The following MRPL13 variants were observed in gnomAD, a reference collection of about 807,000 sequenced individuals.
The protein encoded by MRPL13 is large ribosomal subunit protein uL13m.
MRPL13 carries 33 observed loss-of-function variants against 29.0 expected under a neutral mutation model. The ratio of observed to expected loss-of-function variants is 1.14; its 90% CI spans 0.86 to 1.52. The LOEUF is 1.52. Ranked by LOEUF, MRPL13 falls within the 40% of genes most tolerant of loss-of-function variation. The pLI is 0.00. For missense variants in MRPL13, 227 were observed against 216.7 expected, an observed-to-expected ratio of 1.05 and a Z score of -0.30; for synonymous variants, 77 against 68.4, an observed-to-expected ratio of 1.13 and a Z score of -0.62.
chr8:120,440,132 A>G (rs1813101285), intron 2 of MRPL13, among the ~76,000 whole-genome samples: 1 of 152,232 alleles, frequency 6.6e-6, no homozygotes, highest in Admixed American at 6.5e-5. Context: ...ATAACATTTC[A>G]GGTGATACAT....
At chr8:120,432,902 T>C (rs183181399) in intron 2 of MRPL13, among the ~76,000 whole-genome samples, 1 of 152,102 alleles carries the variant, frequency 6.6e-6, no homozygotes, top group Non-Finnish European at 1.5e-5. Flanking sequence ...ATTTTACTAA[T>C]AGAAAAAACA....
At chr8:120,398,251 G>A (rs1318837749) in intron 6 of MRPL13, among the ~76,000 whole-genome samples, 1 of 152,130 alleles carries the variant, frequency 6.6e-6, no homozygotes, top group African/African-American at 2.4e-5. Context: ...CTGGCAACAG[G>A]TCAGTACCCC....
At chr8:120,408,546 T>C (rs1301038073) in intron 6 of MRPL13, among the ~76,000 whole-genome samples, 3 of 152,168 alleles carry the variant, frequency 2.0e-5, no homozygotes, top group African/African-American at 7.2e-5. Context: ...GAAAGTAACC[T>C]TAGTCCACAA....
chr8:120,439,105 A>G (rs1813087173), intron 2 of MRPL13, among the ~76,000 whole-genome samples: 1 of 152,242 alleles, frequency 6.6e-6, no homozygotes, highest in Non-Finnish European at 1.5e-5. Flanking sequence ...ATTCATGGAC[A>G]TGCTCAGAGT....
At chr8:120,432,156 A>G in intron 2 of MRPL13, 33 bp from the exon 3 acceptor site, 1 of 1,513,360 alleles carries the variant, frequency 6.6e-7, no homozygotes, top group Non-Finnish European at 8.9e-7. Context: ...ATTTTGTAAG[A>G]AAAATAAAAA....
At chr8:120,443,000 T>A (rs190396253) in intron 2 of MRPL13, among the ~76,000 whole-genome samples, 185 bp downstream of exon 2, 10 of 152,156 alleles carry the variant, frequency 6.6e-5, no homozygotes, top group Non-Finnish European at 8.8e-5. Context: ...AACTGATCCA[T>A]ACGGTTTTCC....
At chr8:120,407,648 TAAA>T in intron 6 of MRPL13, among the ~76,000 whole-genome samples, 1 of 146,126 alleles carries the variant, frequency 6.8e-6, no homozygotes, top group African/African-American at 2.6e-5. Flanking sequence ...AAACTCCATC[TAAA>T]ACAAAACAAA....
chr8:120,428,310 G>C lies in MRPL13; in HGVS notation c.246-2944C>G, dbSNP rs577166693. On this transcript the variant is annotated intron_variant, in intron 3 of 6. Coordinates refer to ENST00000306185, the MANE Select transcript of MRPL13 (RefSeq NM_014078.6). ...AGCCATATGCAGAAGATTGAAACTG[G>C]ACCCCTTCCTTATACCACATACAAA... 3.4e-3 allele frequency among the ~76,000 whole-genome samples: 510 copies of C among 152,146 alleles called. 1 individual carries two copies. Among genetic ancestry groups the C allele is most frequent in the Non-Finnish European group, 6.3e-3 (431 of 67,982 alleles).
At chr8:120,425,181 A>G in intron 4 of MRPL13, 125 bp downstream of exon 4, 1 of 647,538 alleles carries the variant, frequency 1.5e-6, no homozygotes, top group Non-Finnish European at 2.6e-6. Context: ...TGTGTGATAC[A>G]GCTAAAGTGA....
chr8:120,427,933 T>A (rs766502312), intron 3 of MRPL13, among the ~76,000 whole-genome samples: 14 of 152,014 alleles, frequency 9.2e-5, no homozygotes, highest in Non-Finnish European at 1.8e-4. Context: ...ATAGATTCAA[T>A]GCTATTCCTA....
chr8:120,426,271 A>G (rs1436090964), intron 3 of MRPL13, among the ~76,000 whole-genome samples: 1 of 152,132 alleles, frequency 6.6e-6, no homozygotes, highest in Non-Finnish European at 1.5e-5. Context: ...AAAAAACCTT[A>G]AGATTACCTA....
intron 2 of MRPL13, among the ~76,000 whole-genome samples, chr8:120,435,672 G>A (rs1169511461): frequency 6.6e-6 from 1 of 151,934 alleles, no homozygotes; most frequent in Non-Finnish European, 1.5e-5. Context: ...GAACATATCT[G>A]CATGCTTTAA....
intron 4 of MRPL13, among the ~76,000 whole-genome samples, chr8:120,421,477 TA>T (rs1365480968): frequency 1.3e-5 from 2 of 151,928 alleles, no homozygotes; most frequent in Non-Finnish European, 2.9e-5. Context: ...AATTCTCCGA[TA>T]GGCCACACAC....
chr8:120,426,597 G>A (rs1563775345), intron 3 of MRPL13, among the ~76,000 whole-genome samples: 1 of 152,110 alleles, frequency 6.6e-6, no homozygotes, highest in Non-Finnish European at 1.5e-5. Flanking sequence ...ATATATTTCA[G>A]AAGTCTGGAC....
intron 6 of MRPL13, among the ~76,000 whole-genome samples, chr8:120,411,863 T>C (rs1812744512): frequency 6.6e-6 from 1 of 152,176 alleles, no homozygotes; most frequent in African/African-American, 2.4e-5. Flanking sequence ...CCTTTCTAAT[T>C]CTATTAATAA....
chr8:120,437,180 T>C (rs2130484467), intron 2 of MRPL13, among the ~76,000 whole-genome samples: 1 of 152,292 alleles, frequency 6.6e-6, no homozygotes, highest in South Asian at 2.1e-4. Context: ...TGCTGTGATA[T>C]TAACATTTGA....
intron 6 of MRPL13, among the ~76,000 whole-genome samples, chr8:120,402,040 AG>A (rs1812603596): frequency 6.6e-6 from 1 of 152,228 alleles, no homozygotes; most frequent in East Asian, 1.9e-4. Flanking sequence ...GCTCATGGAT[AG>A]GAAGAATCAG....
rs1563772881 is a variant in MRPL13, at chr8:120,414,291, T to C, written c.394-179A>G. ...CCCCAAAAGTACATTAGGTTAATAA[T>C]ACAAGTAATCCCATTATAATAAGAT... On this transcript the variant is annotated intron_variant, in intron 5 of 6. Transcript: ENST00000306185. 2.1e-5 allele frequency: 9 copies of C among 438,502 alleles called. No individual in the cohort carries two copies. In the East Asian group the frequency reaches 3.3e-4, roughly 16 times the overall value. The allele number at this position is 438,502 out of a possible 1,614,324, so 27.2% of individuals were successfully genotyped here. A position where few individuals can be genotyped will look rare whatever the true frequency, so the allele number is the denominator to read the frequency against.
At chr8:120,397,414 C>A (rs1219324869) in intron 6 of MRPL13, among the ~76,000 whole-genome samples, 1 of 152,188 alleles carries the variant, frequency 6.6e-6, no homozygotes, top group Non-Finnish European at 1.5e-5. Flanking sequence ...TTAAGCCTCA[C>A]TGGATTGGAA....
Sources: gnomAD v4.1 joint callset for allele counts (sites outside exome capture counted in the v4.1 genomes callset) on GRCh38, gnomAD v4.1.1 for gene constraint, MANE v1.5 for transcripts, NCBI Gene and HGNC (gene_info 2026-07-23, HGNC 2026-07-21) for gene names.